SLC13A2: variants seen among roughly 807,000 people sequenced by gnomAD.
SLC13A2 encodes the protein Na(+)-coupled citrate transporter.
SLC13A2 carries 40 observed loss-of-function variants against 58.5 expected under a neutral mutation model. The ratio of observed to expected loss-of-function variants is 0.68; its 90% CI spans 0.53 to 0.89. The LOEUF is 0.89. Ranked by LOEUF, SLC13A2 falls within the 40% of genes least tolerant of loss-of-function variation. The probability of loss-of-function intolerance (pLI) is 0.00; values close to 1 mark genes in which losing one functional copy is unlikely to be tolerated. For missense variants in SLC13A2, 694 were observed against 772.6 expected, an observed-to-expected ratio of 0.90 and a Z score of 1.21; for synonymous variants, 341 against 331.6, an observed-to-expected ratio of 1.03 and a Z score of -0.31.
In SLC13A2 at chr17:28,488,471, T is replaced by G. The variant is rs868982448; in HGVS notation, c.103-743T>G. On this transcript the variant is annotated intron_variant, in intron 1 of 11. Transcript: ENST00000314669. Reference sequence around the variant, plus strand: ...TTCCCCAGCCCTGGGAGAGGCTCTATAAGGGGGGTGGGCCTCCATTCTTGC... The same window carrying G: ...TTCCCCAGCCCTGGGAGAGGCTCTAGAAGGGGGGTGGGCCTCCATTCTTGC... Among the ~76,000 whole-genome samples, 15 of 152,168 alleles carry G rather than the reference T, an allele frequency of 9.9e-5. 1 individual carries two copies. The highest frequency in any genetic ancestry group is 3.2e-3 in the Middle Eastern group (1 of 316).
intron 1 of SLC13A2, among the ~76,000 whole-genome samples, chr17:28,482,830 C>G (rs1420177189): frequency 1.3e-5 from 2 of 152,216 alleles, no homozygotes; most frequent in African/African-American, 2.4e-5. Context: ...CTCTGGAAGC[C>G]TTCCTCAACC....
rs2069146801 is a variant in SLC13A2 at position 28,496,520 on chromosome 17, T to C, written c.1541T>C (p.Met514Thr). The change falls in exon 11 of 12, where the codon ATG (methionine) becomes ACG (threonine). Residue 514 changes from methionine to threonine, a missense_variant. Met to Thr is a moderately conservative substitution (Grantham distance 81). Transcript: ENST00000314669. This position sits in a 1 kb window ranked among gnomAD's most constrained non-coding sequence, Gnocchi z 4.2. Reference sequence around the variant, plus strand: ...ACTCTGGCCACCTCCCTGGCCTTCATGTTGCCTGTGGCCACCCCGCCCAAT... The same window carrying C: ...ACTCTGGCCACCTCCCTGGCCTTCACGTTGCCTGTGGCCACCCCGCCCAAT... ...PCTLATSLAFMLPVATPPNAI... is the reference protein window; with the variant it reads ...PCTLATSLAFTLPVATPPNAI... 1.9e-6 allele frequency: 3 copies of C among 1,613,706 alleles called. No individual in the cohort carries two copies. The East Asian group carries it at 6.7e-5, about 36-fold the overall frequency.
At position 28,491,418 on chromosome 17, in the gene SLC13A2, G is replaced by A. The variant is rs11568472; in HGVS notation, c.575-19G>A. The A allele has an allele frequency of 2.0e-3, 3,302 of 1,612,462 alleles. 2 individuals carry two copies. Among genetic ancestry groups the A allele is most frequent in the Admixed American group, 2.4e-3 (146 of 59,972 alleles). On this transcript the variant is annotated intron_variant, in intron 4 of 11. Coordinates refer to ENST00000314669, the MANE Select transcript of SLC13A2 (RefSeq NM_003984.4). ...CTGGCCCTGTACCTGCCCCCACCTG[G>A]GCTCTCCCTTGTTCCCAGATAATGG...
rs2069105156 is a variant in SLC13A2 at position 28,494,631 on chromosome 17, G to A, written c.1308+119G>A. 1 of 1,430,436 alleles carries A rather than the reference G, an allele frequency of 7.0e-7. No homozygotes were observed. The highest frequency in any genetic ancestry group is 2.3e-5 in the East Asian group (1 of 43,086). 88.6% of individuals were successfully genotyped at this position (1,430,436 alleles called of 1,614,324 possible). A position where few individuals can be genotyped will look rare whatever the true frequency, so the allele number is the denominator to read the frequency against. On this transcript the variant is annotated intron_variant, in intron 9 of 11. Coordinates refer to ENST00000314669, the MANE Select transcript of SLC13A2 (RefSeq NM_003984.4). This position sits in a 1 kb window ranked among gnomAD's most constrained non-coding sequence, Gnocchi z 4.0. The stretch of plus-strand genomic sequence containing the variant: ...CTGGTCCCCACGTAGGAGCCTCTCG[G>A]GTAGGCAGAGCCTTTGCAGCAGCTG...
Position 28,496,441 on chromosome 17 carries a change from C to G in SLC13A2, c.1471-9C>G. The G allele has an allele frequency of 6.3e-7, 1 of 1,595,200 alleles. No individual in the cohort carries two copies. The highest frequency in any genetic ancestry group is 8.6e-7 in the Non-Finnish European group (1 of 1,168,218). ...AAGTTCAGCTCTGCGCCACTGCCTC[C>G]CACTCCAGGCCCAGGCCATCTGCCT... On this transcript the variant is annotated splice_polypyrimidine_tract_variant and intron_variant, in intron 10 of 11. Coordinates refer to ENST00000314669, the MANE Select transcript of SLC13A2 (RefSeq NM_003984.4). This position sits in a 1 kb window ranked among gnomAD's most constrained non-coding sequence, Gnocchi z 4.2.
intron 1 of SLC13A2, among the ~76,000 whole-genome samples, chr17:28,487,909 TCA>T (rs1367530889): frequency 6.6e-6 from 1 of 152,180 alleles, no homozygotes; most frequent in African/African-American, 2.4e-5. Context: ...GGGGCACCAT[TCA>T]CACAGACTAC....
At chr17:28,476,990 C>T (rs1193060476) in intron 1 of SLC13A2, among the ~76,000 whole-genome samples, 3 of 147,972 alleles carry the variant, frequency 2.0e-5, no homozygotes, top group African/African-American at 7.9e-5. Flanking sequence ...AACCCCGTCT[C>T]TATAAAAAAA....
In SLC13A2 at chr17:28,490,817, C is replaced by T. The variant is rs138432731; in HGVS notation, c.485C>T (p.Ser162Leu). Residue 162 changes from serine to leucine, a missense_variant, in exon 4 of 12, where the codon TCG becomes TTG. Ser to Leu is a moderately radical substitution (Grantham distance 145). Coordinates refer to ENST00000314669, the MANE Select transcript of SLC13A2 (RefSeq NM_003984.4). The part of the protein sequence containing the change: ...AHAVLDQLHS[S>L]QASSNVEEGS... ...GCCGTCCTGGACCAGCTGCACAGCT[C>T]GCAAGCCAGCAGCAACGTCGAGGAG... The T allele has an allele frequency of 5.3e-5, 85 of 1,613,860 alleles. No homozygotes were observed. In the African/African-American group the frequency reaches 9.1e-4, roughly 17 times the overall value.
At chr17:28,477,829 G>A (rs1255875064) in intron 1 of SLC13A2, among the ~76,000 whole-genome samples, 2 of 144,854 alleles carry the variant, frequency 1.4e-5, no homozygotes, top group Non-Finnish European at 3.1e-5. Context: ...CGCCCAAGGT[G>A]GGCAGATCAC....
intron 9 of SLC13A2, 93 bp from the exon 10 acceptor site, chr17:28,495,562 G>A: frequency 3.1e-6 from 4 of 1,278,928 alleles, no homozygotes; most frequent in Non-Finnish European, 3.3e-6. Context: ...CCAGGGAGAT[G>A]TTAGCAGGAG....
chr17:28,479,391 C>T (rs2068744633), intron 1 of SLC13A2, among the ~76,000 whole-genome samples: 1 of 152,026 alleles, frequency 6.6e-6, no homozygotes, highest in Admixed American at 6.6e-5. Flanking sequence ...CACTAGATTG[C>T]TTAAGTCAAG....
intron 6 of SLC13A2, among the ~76,000 whole-genome samples, chr17:28,492,923 GTAAGGAAGCTGGAT>G (rs1398925979): frequency 5.4e-4 from 82 of 152,368 alleles, no homozygotes; most frequent in Non-Finnish European, 8.4e-4. Flanking sequence ...TTGGGCAAAT[GTAAGGAAGCTGGAT>G]TAAGGTTGGG....
At chr17:28,477,359 A>C (rs1597867658) in intron 1 of SLC13A2, among the ~76,000 whole-genome samples, 1 of 150,564 alleles carries the variant, frequency 6.6e-6, no homozygotes, top group Non-Finnish European at 1.5e-5. Context: ...ACGCCCGGCT[A>C]ATTTTTTTGT....
chr17:28,489,268 G>A lies in SLC13A2; in HGVS notation c.157G>A (p.Ala53Thr). Residue 53 changes from alanine (A) to threonine (T), a missense_variant, in exon 2 of 12, where the codon GCC (alanine) becomes ACC (threonine). Ala to Thr is a moderately conservative substitution (Grantham distance 58, BLOSUM62 0). Transcript: ENST00000314669. ...ILMALFWCTE[A>T]LPLAVTALFP... ...CATGGCGCTCTTCTGGTGCACTGAG[G>A]CCCTGCCCCTGGCCGTCACTGCCCT... 6.2e-7 allele frequency: 1 copy of A among 1,614,048 alleles called. No homozygotes were observed. Among genetic ancestry groups the A allele is most frequent in the East Asian group, 2.2e-5 (1 of 44,878 alleles).
At chr17:28,492,520 G>A (rs1258875653) in intron 6 of SLC13A2, among the ~76,000 whole-genome samples, 13 of 152,228 alleles carry the variant, frequency 8.5e-5, no homozygotes, top group African/African-American at 2.2e-4. Flanking sequence ...AAGACAAGAC[G>A]TGTTCGAGGG....
chr17:28,496,919 T>C lies in SLC13A2; in HGVS notation c.1609-180T>C, dbSNP rs782467452. ...CAGGAGGAGCGCCCCTTTCCCCTGT[T>C]AGCACAGGGAGTAAAGCAAGGGGCA... On this transcript the variant is annotated intron_variant, in intron 11 of 11. Transcript: ENST00000314669. This position sits in a 1 kb window ranked among gnomAD's most constrained non-coding sequence, Gnocchi z 4.2. 6.6e-6 allele frequency among the ~76,000 whole-genome samples: 1 copy of C among 152,148 alleles called. No homozygotes were observed. The highest frequency in any genetic ancestry group is 2.4e-5 in the African/African-American group (1 of 41,438).
Position 28,494,083 on chromosome 17 carries a change from C to T in SLC13A2, c.1164C>T (p.Phe388=). The part of the protein sequence containing the change: ...GIIMFIIPSK[F]PGLTQDPENP... ...TTATGTTCATCATACCCTCCAAGTT[C>T]CCAGGGCTGACCCAGGACCCAGGTA... Residue 388 remains phenylalanine, a synonymous_variant, in exon 8 of 12, where the codon TTC becomes TTT. Transcript: ENST00000314669. This position sits in a 1 kb window ranked among gnomAD's most constrained non-coding sequence, Gnocchi z 4.0. 6.2e-7 allele frequency: 1 copy of T among 1,613,978 alleles called. No individual in the cohort carries two copies. The highest frequency in any genetic ancestry group is 8.5e-7 in the Non-Finnish European group (1 of 1,179,918).
rs782361609 is a variant in SLC13A2, at chr17:28,489,323, G to A, written c.212G>A (p.Gly71Asp). Residue 71 changes from glycine to aspartate, a missense_variant, in exon 2 of 12, where the codon GGC becomes GAC. Gly to Asp is a moderately conservative substitution (Grantham distance 94). Transcript: ENST00000314669. ...LFPLILFPMMGIVDASEVAVE... is the reference protein window; with the variant it reads ...LFPLILFPMMDIVDASEVAVE... ...CCCTTAATCCTGTTCCCTATGATGG[G>A]CATCGTGGATGCCTCTGAGGTGAGC... The A allele has an allele frequency of 3.3e-5, 53 of 1,611,084 alleles. No individual in the cohort carries two copies. The highest frequency in any genetic ancestry group is 4.2e-5 in the Non-Finnish European group (50 of 1,179,530).
chr17:28,495,843 T>A, intron 10 of SLC13A2, 27 bp downstream of exon 10: 1 of 1,603,054 alleles, frequency 6.2e-7, no homozygotes, highest in South Asian at 1.1e-5. Context: ...AAACACCTCC[T>A]CCAGGCAGCC....
Sources: gnomAD v4.1 joint callset for allele counts (sites outside exome capture counted in the v4.1 genomes callset) on GRCh38, gnomAD v4.1.1 for gene constraint, Gnocchi (gnomAD v3.1) non-coding constraint, MANE v1.5 for transcripts, NCBI Gene and HGNC (gene_info 2026-07-23, HGNC 2026-07-21) for gene names.